Variants in MYBPC1 observed in about 807,000 individuals in gnomAD.
The protein encoded by MYBPC1 is myosin-binding protein C, slow-type.
A neutral mutation model predicts 147.1 loss-of-function variants in MYBPC1; 52 were observed. That is an observed-to-expected ratio of 0.35 (90% CI 0.28 to 0.45). The LOEUF (loss-of-function observed/expected upper bound fraction) is 0.45. MYBPC1 is among the 20% of genes least tolerant of loss of function. The pLI is 1.00. For synonymous variants in MYBPC1, 477 were observed against 475.9 expected (o/e 1.00, Z -0.03); for missense variants, 1,228 against 1,440.3 (o/e 0.85, Z 2.39).
chr12:101,662,919 C>T (rs1037565766), intron 21 of MYBPC1, among the ~76,000 whole-genome samples: 3 of 151,978 alleles, frequency 2.0e-5, no homozygotes, highest in African/African-American at 7.3e-5. Flanking sequence ...ATCACTGAAA[C>T]AAATTGAGAT....
chr12:101,603,712 C>T (rs1881058596), intron 1 of MYBPC1, among the ~76,000 whole-genome samples: 1 of 152,150 alleles, frequency 6.6e-6, no homozygotes. Context: ...GAGGCCAAGG[C>T]CAGAGAATTG....
chr12:101,689,486 T>C (rs1951388838), downstream of MYBPC1, among the ~76,000 whole-genome samples: 2 of 152,160 alleles, frequency 1.3e-5, no homozygotes, highest in Non-Finnish European at 2.9e-5. Context: ...CTGACAAGCG[T>C]GGACCTGGGG....
rs770316920 is a variant in MYBPC1 at position 101,661,236 on chromosome 12, C to T, written c.2006C>T (p.Ala669Val). Residue 669 changes from alanine to valine, a missense_variant, in exon 20 of 32, where the codon GCC becomes GTC. By Grantham distance (64) the Ala-to-Val change is moderately conservative. Coordinates refer to ENST00000361466, the MANE Select transcript of MYBPC1 (RefSeq NM_002465.4). ...DWCIMNWEPP[A>V]YDGGSPILGY... is the part of the protein sequence containing the mutation. The stretch of plus-strand genomic sequence containing the variant: ...TGTATCATGAACTGGGAGCCTCCTG[C>T]CTACGACGGAGGCTCTCCAATCCTA... The T allele has an allele frequency of 6.2e-7, 1 of 1,613,552 alleles. No individual in the cohort carries two copies. The highest frequency in any genetic ancestry group is 2.2e-5 in the East Asian group (1 of 44,878).
chr12:101,632,181 G>A (rs755846303), intron 8 of MYBPC1, 43 bp downstream of exon 8: 7 of 1,292,394 alleles, frequency 5.4e-6, no homozygotes, highest in Non-Finnish European at 7.9e-6. Flanking sequence ...TTTTTTAATG[G>A]GGTGTGAGGG....
chr12:101,636,053 T>A (rs534424406), intron 9 of MYBPC1, among the ~76,000 whole-genome samples: 4 of 152,168 alleles, frequency 2.6e-5, no homozygotes. Flanking sequence ...TAAGAAGGTA[T>A]AAATATTAAT....
intron 24 of MYBPC1, among the ~76,000 whole-genome samples, chr12:101,670,643 T>C (rs910389614): frequency 1.3e-5 from 2 of 152,186 alleles, no homozygotes; most frequent in Admixed American, 6.5e-5. Flanking sequence ...AAATGAGATA[T>C]AGTCTTGCCT....
chr12:101,664,443 A>C (rs751285628), intron 22 of MYBPC1: 2 of 152,138 alleles, frequency 1.3e-5, no homozygotes, highest in Non-Finnish European at 2.9e-5. Flanking sequence ...CCAAGACTTC[A>C]CCTCCAGGAA....
chr12:101,683,083 A>G (rs1020528802), intron 30 of MYBPC1, among the ~76,000 whole-genome samples: 24 of 152,066 alleles, frequency 1.6e-4, no homozygotes, highest in African/African-American at 5.5e-4. Flanking sequence ...CATTTCAAAC[A>G]TTTTTTTTGA....
intron 10 of MYBPC1, 44 bp downstream of exon 10, chr12:101,636,772 T>C: frequency 4.6e-6 from 7 of 1,515,844 alleles, no homozygotes; most frequent in Non-Finnish European, 6.4e-6. Context: ...CCTGGAAGTC[T>C]TTCAGACACC....
At chr12:101,688,191 G>A (rs989348414), downstream of MYBPC1, among the ~76,000 whole-genome samples, 13 of 152,230 alleles carry the variant, frequency 8.5e-5, no homozygotes, top group East Asian at 1.7e-3. Context: ...AGGCCGAGGC[G>A]GGCAGATCAC....
intron 10 of MYBPC1, among the ~76,000 whole-genome samples, chr12:101,639,721 C>T (rs1891657171): frequency 1.3e-5 from 2 of 152,086 alleles, no homozygotes; most frequent in Admixed American, 1.3e-4. Context: ...TATAAATATT[C>T]ACCTCATGGA....
At position 101,603,759 on chromosome 12, in the gene MYBPC1, T is replaced by A. The variant is rs545314791; in HGVS notation, c.25+8664T>A. Among the ~76,000 whole-genome samples the A allele has an allele frequency of 4.6e-5, 7 of 152,168 alleles. No homozygotes were observed. The East Asian group carries it at 9.7e-4, about 21-fold the overall frequency. On this transcript the variant is annotated intron_variant, in intron 1 of 31. Transcript: ENST00000361466. Reference sequence around the variant, plus strand: ...GGGTTTGAGACCAGCCCAAGCAACATGGTGAAACAGCATGAAAAAATACAA... The same window carrying A: ...GGGTTTGAGACCAGCCCAAGCAACAAGGTGAAACAGCATGAAAAAATACAA...
At position 101,682,917 on chromosome 12, in the gene MYBPC1, A is replaced by G. The variant is rs185056919; in HGVS notation, c.3492+255A>G. On this transcript the variant is annotated intron_variant, in intron 30 of 31. Coordinates refer to ENST00000361466, the MANE Select transcript of MYBPC1 (RefSeq NM_002465.4). ...TCTCCATGAATAAAGCCAGAAAGCT[A>G]CATTTGAAGATGATCTCGTTTTATA... 4.8e-3 allele frequency among the ~76,000 whole-genome samples: 725 copies of G among 152,354 alleles called. 7 individuals are homozygous for G. Among genetic ancestry groups the G allele is most frequent in the African/African-American group, 0.017 (693 of 41,580 alleles).
At position 101,639,227 on chromosome 12, in the gene MYBPC1, TC is replaced by T. The variant is rs372335408; in HGVS notation, c.665+2500del. Among the ~76,000 whole-genome samples, 71 of 152,328 alleles carry T rather than the reference TC, an allele frequency of 4.7e-4. No homozygotes were observed. The East Asian group carries it at 7.5e-3, about 16-fold the overall frequency. On this transcript the variant is annotated intron_variant, in intron 10 of 31. Coordinates refer to ENST00000361466, the MANE Select transcript of MYBPC1 (RefSeq NM_002465.4). ...ATAACTGTTATACTCTTCACTAGGATCACCAAGTTATTGAAATTTTGATGTA... is the reference window on the plus strand; with the variant it reads ...ATAACTGTTATACTCTTCACTAGGATACCAAGTTATTGAAATTTTGATGTA...
At chr12:101,629,242 A>G (rs908190236) in intron 5 of MYBPC1, 192 bp from the exon 6 acceptor site, 1 of 618,392 alleles carries the variant, frequency 1.6e-6, no homozygotes, top group Non-Finnish European at 2.9e-6. Flanking sequence ...CATGGAAGAG[A>G]TACCCCTGTA....
At chr12:101,659,598 C>T (rs1183385189) in intron 18 of MYBPC1, 74 bp from the exon 19 acceptor site, 3 of 1,521,616 alleles carry the variant, frequency 2.0e-6, no homozygotes, top group Non-Finnish European at 2.7e-6. Context: ...CTGAATTGCT[C>T]AATTTATAGG....
intron 12 of MYBPC1, among the ~76,000 whole-genome samples, chr12:101,645,150 A>T (rs992773897): frequency 6.6e-6 from 1 of 151,580 alleles, no homozygotes; most frequent in Admixed American, 6.6e-5. Context: ...GCCACCTGGG[A>T]ATCCCATCTT....
chr12:101,624,682 A>ATTTTTTTTTT (rs1172716070), intron 3 of MYBPC1, among the ~76,000 whole-genome samples: 1 of 86,984 alleles, frequency 1.1e-5, no homozygotes, highest in African/African-American at 5.1e-5. Flanking sequence ...CCGGCTAATT[A>ATTTTTTTTTT]ATTTTTTTTT....
rs1894746336 is a variant in MYBPC1 at position 101,652,715 on chromosome 12, G to C, written c.1564G>C (p.Asp522His). 1 of 1,613,870 alleles carries C rather than the reference G, an allele frequency of 6.2e-7. No homozygotes were observed. The highest frequency in any genetic ancestry group is 1.3e-5 in the African/African-American group (1 of 74,918). The change falls in exon 17 of 32, where the codon GAT becomes CAT. Residue 522 changes from aspartate to histidine, a missense_variant. Physicochemically the swap from Asp to His is moderately conservative, Grantham distance 81. Around this residue, in one of 2 missense-constraint regions of MYBPC1, gnomAD observed 1,077 missense variants for 1,314.2 expected, o/e 0.82. Transcript: ENST00000361466. ...AGTGATAGCCAATGCCCTCACTGAAGATGAAGGTGATTATGTATTTGCACC... is the reference window on the plus strand; with the variant it reads ...AGTGATAGCCAATGCCCTCACTGAACATGAAGGTGATTATGTATTTGCACC... The part of the protein sequence containing the change: ...KLVIANALTE[D>H]EGDYVFAPDA...
Sources: gnomAD v4.1 joint callset for allele counts (sites outside exome capture counted in the v4.1 genomes callset) on GRCh38, gnomAD v4.1.1 for gene constraint, gnomAD v4.1.1 regional missense constraint, MANE v1.5 for transcripts, NCBI Gene and HGNC (gene_info 2026-07-23, HGNC 2026-07-21) for gene names.